The following FER variants were observed in gnomAD, a reference collection of about 807,000 sequenced individuals.
FER encodes the protein tyrosine-protein kinase Fer.
Under a neutral mutation model 111.0 loss-of-function variants are expected in FER, and 63 were observed. That is an observed-to-expected ratio of 0.57 (90% CI 0.46 to 0.70). The LOEUF is 0.70. Ranked by LOEUF, FER falls within the 30% of genes least tolerant of loss-of-function variation. The pLI is 0.00. For missense variants in FER, 914 were observed against 954.0 expected (o/e 0.96, Z 0.55); for synonymous variants, 327 against 313.9 (o/e 1.04, Z -0.44).
At chr5:108,880,226 A>G (rs1470080031) in intron 8 of FER, among the ~76,000 whole-genome samples, 1 of 152,154 alleles carries the variant, frequency 6.6e-6, no homozygotes, top group Admixed American at 6.6e-5. Context: ...CCAGGAAGAG[A>G]ATGAGAATAA....
chr5:109,036,239 G>A (rs899606787), intron 13 of FER, among the ~76,000 whole-genome samples: 3 of 151,886 alleles, frequency 2.0e-5, no homozygotes, highest in Non-Finnish European at 4.4e-5. Flanking sequence ...TGATCATGAC[G>A]TTATCCTCCT....
chr5:108,752,078 A>G (rs1416280212), intron 1 of FER, among the ~76,000 whole-genome samples: 1 of 152,032 alleles, frequency 6.6e-6, no homozygotes, highest in African/African-American at 2.4e-5. Context: ...TGGTATGCTT[A>G]TGTATGGTTA....
At position 108,939,929 on chromosome 5, in the gene FER, A is replaced by C. The variant is rs561824577; in HGVS notation, c.1237-6201A>C. ...CATTAAAACCATTCAGGAACTTTTT[A>C]GATAAAGTTGGAAACTTAAAACATT... On this transcript the variant is annotated intron_variant, in intron 10 of 19. Transcript: ENST00000281092. Among the ~76,000 whole-genome samples the C allele has an allele frequency of 3.3e-5, 5 of 152,228 alleles. No individual in the cohort carries two copies. In the East Asian group the frequency reaches 9.6e-4, roughly 29 times the overall value.
intron 13 of FER, 128 bp downstream of exon 13, chr5:108,959,475 T>G: frequency 1.2e-6 from 1 of 840,832 alleles, no homozygotes; most frequent in Non-Finnish European, 1.7e-6. Context: ...GTTTTTGTTT[T>G]TCTAGCTTTT....
chr5:109,093,543 ATTAT>A (rs932896072), intron 16 of FER, among the ~76,000 whole-genome samples: 7 of 152,124 alleles, frequency 4.6e-5, no homozygotes, highest in African/African-American at 1.7e-4. Flanking sequence ...TCTGTTTTTA[ATTAT>A]TTAATAAGAT....
At chr5:108,923,850 A>C (rs1753366361) in intron 10 of FER, among the ~76,000 whole-genome samples, 2 of 152,150 alleles carry the variant, frequency 1.3e-5, no homozygotes, top group Non-Finnish European at 2.9e-5. Context: ...AGAATTATAA[A>C]GTATTGGAGA....
chr5:108,858,477 G>A (rs1159751786), intron 5 of FER, among the ~76,000 whole-genome samples: 1 of 151,940 alleles, frequency 6.6e-6, no homozygotes, highest in Non-Finnish European at 1.5e-5. Flanking sequence ...TTTTAGTGTG[G>A]TTAGTGTTAT....
Position 108,933,451 on chromosome 5 carries a change from A to G in FER, c.1237-12679A>G, listed in dbSNP as rs191678627. Among the ~76,000 whole-genome samples, 1,198 of 151,238 alleles carry G rather than the reference A, an allele frequency of 7.9e-3. 17 individuals are homozygous for G. Among genetic ancestry groups the G allele is most frequent in the African/African-American group, 0.027 (1,126 of 41,444 alleles). On this transcript the variant is annotated intron_variant, in intron 10 of 19. Coordinates refer to ENST00000281092, the MANE Select transcript of FER (RefSeq NM_005246.4). ...GGCCTCTGTTCTGTTTCATTGGTCT[A>G]TATATGTGTTTTGGTACCAGTACCA...
chr5:108,874,594 A>G (rs1473650617), intron 8 of FER, among the ~76,000 whole-genome samples: 1 of 151,994 alleles, frequency 6.6e-6, no homozygotes, highest in African/African-American at 2.4e-5. Context: ...AATGTAATAT[A>G]AGACTTAGAA....
At chr5:109,086,328 C>T (rs371226756) in intron 16 of FER, among the ~76,000 whole-genome samples, 1 of 151,666 alleles carries the variant, frequency 6.6e-6, no homozygotes, top group South Asian at 2.1e-4. Flanking sequence ...TATCATATCC[C>T]CTAATTATTC....
At chr5:109,037,502 A>G in intron 14 of FER, 24 bp downstream of exon 14, 1 of 1,596,648 alleles carries the variant, frequency 6.3e-7, no homozygotes, top group Non-Finnish European at 8.6e-7. Context: ...TGAGCTAAAT[A>G]ACCAGAAGTC....
At chr5:109,107,745 G>T (rs1183338816) in intron 17 of FER, among the ~76,000 whole-genome samples, 1 of 152,078 alleles carries the variant, frequency 6.6e-6, no homozygotes, top group Non-Finnish European at 1.5e-5. Context: ...CTTTCCCTGT[G>T]TGTTCATTTG....
At chr5:109,172,625 A>G (rs1340672223) in intron 17 of FER, among the ~76,000 whole-genome samples, 5 of 152,028 alleles carry the variant, frequency 3.3e-5, no homozygotes, top group Admixed American at 3.3e-4. Context: ...CCTAAAACTT[A>G]AAGTATAATA....
rs1464388055 is a variant in FER at position 109,036,723 on chromosome 5, A to AT, written c.1657-693dup. Among the ~76,000 whole-genome samples the AT allele has an allele frequency of 2.1e-5, 3 of 146,304 alleles. No individual in the cohort carries two copies. The South Asian group carries it at 6.6e-4, about 32-fold the overall frequency. Reference sequence around the variant, plus strand: ...TTTTCCTTTCTTCATTAAAAACCATATTTTTTCTTACATTATGGTATTGTG... The same window carrying AT: ...TTTTCCTTTCTTCATTAAAAACCATATTTTTTTCTTACATTATGGTATTGTG... On this transcript the variant is annotated intron_variant, in intron 13 of 19. Coordinates refer to ENST00000281092, the MANE Select transcript of FER (RefSeq NM_005246.4).
intron 3 of FER, among the ~76,000 whole-genome samples, chr5:108,817,137 A>AT (rs1758370825): frequency 7.1e-6 from 1 of 141,508 alleles, no homozygotes; most frequent in African/African-American, 2.7e-5. Flanking sequence ...AAAAAAAAAA[A>AT]GCTTGCAGTT....
Position 108,867,750 on chromosome 5 carries a change from GTT to G in FER, c.482-5_482-4del, listed in dbSNP as rs34195313. 8.0e-5 allele frequency: 121 copies of G among 1,503,932 alleles called. No homozygotes were observed. Among genetic ancestry groups the G allele is most frequent in the East Asian group, 3.8e-4 (16 of 42,502 alleles). 93.2% of individuals were successfully genotyped at this position (1,503,932 alleles called of 1,614,324 possible). A position where few individuals can be genotyped will look rare whatever the true frequency, so the allele number is the denominator to read the frequency against. ...CTTATCTCTTTACTAACTTTCTTCA[GTT>G]TTTTTTTTTTTCAGGGAAGGAAACT... is the stretch of plus-strand genomic sequence containing the variant. On this transcript the variant is annotated splice_polypyrimidine_tract_variant and intron_variant, in intron 5 of 19. Transcript: ENST00000281092.
chr5:108,758,048 A>T (rs1335884987), intron 1 of FER, among the ~76,000 whole-genome samples: 1 of 152,218 alleles, frequency 6.6e-6, no homozygotes, highest in African/African-American at 2.4e-5. Context: ...TGGTGAAGAG[A>T]TAGACATGGC....
intron 13 of FER, among the ~76,000 whole-genome samples, chr5:108,978,517 C>A (rs1761658434): frequency 1.3e-5 from 2 of 152,284 alleles, no homozygotes; most frequent in Admixed American, 6.5e-5. Flanking sequence ...CCTCCTTTCC[C>A]TGTGCTTGCA....
chr5:109,065,537 C>G (rs1046209548), intron 16 of FER, among the ~76,000 whole-genome samples: 91 of 152,190 alleles, frequency 6.0e-4, no homozygotes, highest in African/African-American at 2.1e-3. Flanking sequence ...TTTGTGGAAG[C>G]GATGAAGCTT....
Sources: gnomAD v4.1 joint callset for allele counts (sites outside exome capture counted in the v4.1 genomes callset) on GRCh38, gnomAD v4.1.1 for gene constraint, MANE v1.5 for transcripts, NCBI Gene and HGNC (gene_info 2026-07-23, HGNC 2026-07-21) for gene names.